MARCHF4: variants seen among roughly 807,000 people sequenced by gnomAD.
The protein encoded by MARCHF4 is membrane associated ring-CH-type finger 4, also known as E3 ubiquitin-protein ligase MARCHF4.
MARCHF4 carries 14 observed loss-of-function variants against 43.9 expected under a neutral mutation model. The ratio of observed to expected loss-of-function variants is 0.32; its 90% CI spans 0.21 to 0.50. The LOEUF (loss-of-function observed/expected upper bound fraction) is 0.50, where lower values mean the gene tolerates loss of function less well. MARCHF4 is among the 20% of genes least tolerant of loss of function. The pLI is 0.98. For missense variants in MARCHF4, 468 were observed against 536.7 expected (o/e 0.87, Z 1.27); for synonymous variants, 226 against 213.3 (o/e 1.06, Z -0.52).
At chr2:216,285,623 T>G (rs1334611210) in intron 1 of MARCHF4, among the ~76,000 whole-genome samples, 1 of 152,156 alleles carries the variant, frequency 6.6e-6, no homozygotes, top group South Asian at 2.1e-4. Flanking sequence ...AGCCACCTCC[T>G]GGAGAGGAGA....
At chr2:216,366,320 G>GGGCTA in intron 1 of MARCHF4, among the ~76,000 whole-genome samples, 1 of 152,292 alleles carries the variant, frequency 6.6e-6, no homozygotes, top group East Asian at 1.9e-4. Context: ...CCCACAAAGT[G>GGGCTA]GGCTAGTGCA....
intron 1 of MARCHF4, among the ~76,000 whole-genome samples, chr2:216,350,259 C>G (rs1015635661): frequency 5.0e-5 from 6 of 121,204 alleles, no homozygotes; most frequent in African/African-American, 1.6e-4. Context: ...TCTGCCACTC[C>G]CCCTCACTCT....
chr2:216,323,746 A>G (rs1691943219), intron 1 of MARCHF4, among the ~76,000 whole-genome samples: 1 of 152,234 alleles, frequency 6.6e-6, no homozygotes, highest in Admixed American at 6.5e-5. Flanking sequence ...GCAGAAATAA[A>G]GATGTTCTTT....
chr2:216,275,380 A>T (rs1424435730), intron 3 of MARCHF4, among the ~76,000 whole-genome samples: 1 of 152,180 alleles, frequency 6.6e-6, no homozygotes, highest in Non-Finnish European at 1.5e-5. Context: ...AGACCTATGC[A>T]TGACAGCCCC....
intron 1 of MARCHF4, among the ~76,000 whole-genome samples, chr2:216,332,593 G>A (rs1261736869): frequency 1.3e-5 from 2 of 151,852 alleles, no homozygotes; most frequent in African/African-American, 4.8e-5. Flanking sequence ...ATTTACAATA[G>A]CATCAAAAGT....
At chr2:216,313,021 A>C (rs1851326) in intron 1 of MARCHF4, among the ~76,000 whole-genome samples, 1 of 151,904 alleles carries the variant, frequency 6.6e-6, no homozygotes, top group Non-Finnish European at 1.5e-5. Context: ...CAAGTCTTAC[A>C]TTTAGTCTTT....
intron 2 of MARCHF4, among the ~76,000 whole-genome samples, chr2:216,280,423 C>T (rs1559088450): frequency 1.3e-5 from 2 of 152,172 alleles, no homozygotes; most frequent in South Asian, 4.1e-4. Flanking sequence ...GATTGGGTTC[C>T]GCTCCTACGC....
At chr2:216,307,355 G>T (rs547258401) in intron 1 of MARCHF4, among the ~76,000 whole-genome samples, 9 of 152,126 alleles carry the variant, frequency 5.9e-5, no homozygotes, top group African/African-American at 2.2e-4. Flanking sequence ...AATTACAAGG[G>T]GGGTGGGAAG....
At chr2:216,261,181 C>T (rs1690738019) in intron 3 of MARCHF4, among the ~76,000 whole-genome samples, 1 of 152,182 alleles carries the variant, frequency 6.6e-6, no homozygotes, top group Admixed American at 6.5e-5. Context: ...GTTTCTCTTA[C>T]AGTTCTGGAG....
At chr2:216,310,005 C>T (rs1691658294) in intron 1 of MARCHF4, among the ~76,000 whole-genome samples, 1 of 152,120 alleles carries the variant, frequency 6.6e-6, no homozygotes, top group African/African-American at 2.4e-5. Context: ...AACTGAGGAG[C>T]TGGCAAGAAG....
At chr2:216,307,661 G>A (rs16855891) in intron 1 of MARCHF4, among the ~76,000 whole-genome samples, 12,865 of 152,164 alleles carry the variant, frequency 0.085, 716 homozygotes, top group South Asian at 0.18. Context: ...AGCCCTGCCC[G>A]CTTGGCTTCT....
intron 1 of MARCHF4, among the ~76,000 whole-genome samples, chr2:216,332,703 G>A (rs985373722): frequency 2.6e-5 from 4 of 152,214 alleles, no homozygotes; most frequent in Non-Finnish European, 5.9e-5. Context: ...TATAAAGACG[G>A]TCGTCTCCCC....
rs1224308847 is a variant in MARCHF4, at chr2:216,371,318, G to T, written c.-1058C>A. ...CTGCTGCAGTCGGCAAATCCGTGGC[G>T]CCCTCCCCTCGGTTCCATCAAAGGT... On this transcript the variant is annotated 5_prime_UTR_variant, in exon 1 of 4. Transcript: ENST00000273067. 1.3e-5 allele frequency: 2 copies of T among 152,952 alleles called. No individual in the cohort carries two copies. The highest frequency in any genetic ancestry group is 1.9e-4 in the East Asian group (1 of 5,174). 9.5% of individuals were successfully genotyped at this position (152,952 alleles called of 1,614,324 possible). A position where few individuals can be genotyped will look rare whatever the true frequency, so the allele number is the denominator to read the frequency against.
intron 3 of MARCHF4, among the ~76,000 whole-genome samples, chr2:216,271,705 C>G (rs1402096656): frequency 6.6e-6 from 1 of 152,168 alleles, no homozygotes; most frequent in Non-Finnish European, 1.5e-5. Context: ...CAGTGATTAC[C>G]TTGTCTCCCT....
At chr2:216,289,117 C>G (rs1691265473) in intron 1 of MARCHF4, among the ~76,000 whole-genome samples, 1 of 150,532 alleles carries the variant, frequency 6.6e-6, no homozygotes, top group African/African-American at 2.4e-5. Flanking sequence ...CGCTCTGTCA[C>G]CCAGGCTGGA....
chr2:216,309,726 C>T (rs1375507381), intron 1 of MARCHF4, among the ~76,000 whole-genome samples: 2 of 152,208 alleles, frequency 1.3e-5, no homozygotes, highest in African/African-American at 4.8e-5. Context: ...CTGAGCTAGA[C>T]CCAGCTACAC....
chr2:216,367,547 C>T (rs1574489951), intron 1 of MARCHF4, among the ~76,000 whole-genome samples: 2 of 152,210 alleles, frequency 1.3e-5, no homozygotes, highest in South Asian at 4.1e-4. Context: ...CCCATTAAAG[C>T]CTCTTGGCTC....
intron 1 of MARCHF4, among the ~76,000 whole-genome samples, chr2:216,308,949 C>T (rs186476349): frequency 2.0e-5 from 3 of 152,220 alleles, no homozygotes; most frequent in Admixed American, 1.3e-4. Flanking sequence ...TTCATGTTTG[C>T]TCCTTGTGAA....
chr2:216,273,575 C>G (rs911270184), intron 3 of MARCHF4, among the ~76,000 whole-genome samples: 1 of 152,216 alleles, frequency 6.6e-6, no homozygotes, highest in Non-Finnish European at 1.5e-5. Flanking sequence ...TCCACCCACT[C>G]TCTGCCAGGG....
Sources: gnomAD v4.1 joint callset for allele counts (sites outside exome capture counted in the v4.1 genomes callset) on GRCh38, gnomAD v4.1.1 for gene constraint, MANE v1.5 for transcripts, NCBI Gene and HGNC (gene_info 2026-07-23, HGNC 2026-07-21) for gene names.